Variants in AP3D1 observed in about 807,000 individuals in gnomAD.
AP3D1 encodes the protein AP-3 complex subunit delta-1.
Under a neutral mutation model 147.6 loss-of-function variants are expected in AP3D1, and 51 were observed. The observed-to-expected ratio is 0.35, with a 90% confidence interval of 0.28 to 0.44. The LOEUF (loss-of-function observed/expected upper bound fraction) is 0.44, where lower values mean the gene tolerates loss of function less well. Ranked by LOEUF, AP3D1 falls within the 20% of genes least tolerant of loss-of-function variation. The pLI is 1.00. For missense variants in AP3D1, 1,421 were observed against 1,624.2 expected, an observed-to-expected ratio of 0.87 and a Z score of 2.15; for synonymous variants, 760 against 663.0, an observed-to-expected ratio of 1.15 and a Z score of -2.25.
Position 2,118,791 on chromosome 19 carries a change from C to T in AP3D1, c.1523G>A (p.Arg508Gln), listed in dbSNP as rs768071199. ...EPHHTLEAML[R>Q]PRVTTLPGHI... Reference sequence around the variant, plus strand: ...GCCTGGCAGCGTGGTGACTCTGGGCCGCAGCATGGCCTCCAAAGTGTGGTG... The same window carrying T: ...GCCTGGCAGCGTGGTGACTCTGGGCTGCAGCATGGCCTCCAAAGTGTGGTG... Residue 508 changes from arginine to glutamine, a missense_variant, in exon 15 of 32, where the codon CGG becomes CAG. Arg to Gln is a conservative substitution (Grantham distance 43, BLOSUM62 1). This residue lies in a region of AP3D1 where 310 missense variants were observed against 388.1 expected (regional missense o/e 0.80). Transcript: ENST00000643116. 23 of 1,613,704 alleles carry T rather than the reference C, an allele frequency of 1.4e-5. No homozygotes were observed. In the Middle Eastern group the frequency reaches 6.6e-4, roughly 46 times the overall value.
At chr19:2,148,593 T>G (rs1198011412) in intron 1 of AP3D1, among the ~76,000 whole-genome samples, 1 of 152,172 alleles carries the variant, frequency 6.6e-6, no homozygotes, top group Non-Finnish European at 1.5e-5. Context: ...GAAAACCGCG[T>G]GTCACTGCAG....
chr19:2,142,978 G>T (rs2019261209), intron 1 of AP3D1, among the ~76,000 whole-genome samples: 2 of 151,840 alleles, frequency 1.3e-5, no homozygotes, highest in African/African-American at 4.8e-5. Flanking sequence ...TGGCCAGGCT[G>T]ATCTCGAACT....
intron 10 of AP3D1, 35 bp from the exon 11 acceptor site, chr19:2,123,441 C>A (rs1349819917): frequency 1.9e-6 from 3 of 1,611,032 alleles, no homozygotes; most frequent in Non-Finnish European, 2.5e-6. Flanking sequence ...TGGTTACATC[C>A]TCTAAACCAA....
chr19:2,127,575 A>G (rs2018792859), intron 8 of AP3D1, among the ~76,000 whole-genome samples: 1 of 152,134 alleles, frequency 6.6e-6, no homozygotes, highest in African/African-American at 2.4e-5. Context: ...CCCAGGCCGG[A>G]GTGCAATGGC....
rs534192952 is a variant in AP3D1 at position 2,159,782 on chromosome 19, G to A, written c.-103+4574C>T. Among the ~76,000 whole-genome samples the A allele has an allele frequency of 3.1e-3, 466 of 151,594 alleles. 4 individuals carry two copies. The highest frequency in any genetic ancestry group is 0.011 in the African/African-American group (440 of 41,312). On this transcript the variant is annotated intron_variant, in intron 1 of 14. Coordinates refer to the AP3D1 transcript ENST00000643010. The stretch of plus-strand genomic sequence containing the variant: ...GTGGCGCTATCTTGGTTCACTGCAA[G>A]CTCCACCTCCCAGGTTCATGCCATT...
At chr19:2,156,422 T>C (rs1416682130), upstream of AP3D1, among the ~76,000 whole-genome samples, 1 of 151,744 alleles carries the variant, frequency 6.6e-6, no homozygotes, top group Non-Finnish European at 1.5e-5. Context: ...AATCCACTCA[T>C]GCATCCATTC....
chr19:2,124,991 G>C (rs2018712911), intron 9 of AP3D1, among the ~76,000 whole-genome samples: 1 of 152,142 alleles, frequency 6.6e-6, no homozygotes, highest in Non-Finnish European at 1.5e-5. Flanking sequence ...GGGACTTGTG[G>C]GAGGTGGGGG....
chr19:2,109,710 G>T, intron 29 of AP3D1, 163 bp downstream of exon 29: 1 of 670,958 alleles, frequency 1.5e-6, no homozygotes, highest in Non-Finnish European at 2.6e-6. Context: ...CCCGGCTGGC[G>T]CAGACACCAG....
intron 31 of AP3D1, among the ~76,000 whole-genome samples, chr19:2,104,681 T>G (rs867524650): frequency 1.3e-5 from 2 of 149,374 alleles, no homozygotes; most frequent in Non-Finnish European, 3.0e-5. Context: ...TTTTTTTTTT[T>G]TTTTTTTTGG....
At position 2,110,990 on chromosome 19, in the gene AP3D1, G is replaced by A. The variant is rs115359236; in HGVS notation, c.2986-94C>T. On this transcript the variant is annotated intron_variant, in intron 26 of 31. Coordinates refer to ENST00000643116, the MANE Select transcript of AP3D1 (RefSeq NM_001261826.3). Reference sequence around the variant, plus strand: ...TCTTAATGACCACAGAGGCAGCAGGGGTCCCACAGGCACAGGAAGGCACGG... The same window carrying A: ...TCTTAATGACCACAGAGGCAGCAGGAGTCCCACAGGCACAGGAAGGCACGG... 5.1e-3 allele frequency: 7,042 copies of A among 1,376,086 alleles called. 32 individuals carry two copies. The highest frequency in any genetic ancestry group is 0.024 in the Middle Eastern group (92 of 3,874). 85.2% of individuals were successfully genotyped at this position (1,376,086 alleles called of 1,614,324 possible).
Position 2,111,834 on chromosome 19 carries a change from G to A in AP3D1, c.2788-6C>T, listed in dbSNP as rs551488706. 3 of 1,613,602 alleles carry A rather than the reference G, an allele frequency of 1.9e-6. No individual in the cohort carries two copies. In the South Asian group the frequency reaches 3.3e-5, roughly 18 times the overall value. On this transcript the variant is annotated splice_region_variant and splice_polypyrimidine_tract_variant and intron_variant, in intron 24 of 31. Coordinates refer to ENST00000643116, the MANE Select transcript of AP3D1 (RefSeq NM_001261826.3). ...TTCTTAGGCTTGGGAGATTTCTGGA[G>A]CAAGAGGAGGGTCGGGTTCAGTGCC...
intron 1 of AP3D1, among the ~76,000 whole-genome samples, chr19:2,149,144 A>C (rs1188435336): frequency 6.6e-6 from 1 of 152,188 alleles, no homozygotes; most frequent in East Asian, 1.9e-4. Context: ...TCCAGTGAGA[A>C]AGCCAGGGTC....
Position 2,108,743 on chromosome 19 carries a change from C to T in AP3D1, c.3496G>A (p.Ala1166Thr), listed in dbSNP as rs750654170. 14 of 1,578,636 alleles carry T rather than the reference C, an allele frequency of 8.9e-6. No individual in the cohort carries two copies. Among genetic ancestry groups the T allele is most frequent in the South Asian group, 4.7e-5 (4 of 85,954 alleles). The change falls in exon 31 of 32, where the codon GCC becomes ACC. Residue 1166 changes from alanine (A) to threonine (T), a missense_variant. This residue lies in a region of AP3D1 where 791 missense variants were observed against 761.4 expected (regional missense o/e 1.04). Transcript: ENST00000643116. ...TGGATGGAGCGGCTGTACATGGAGG[C>T]GCAGGAGTCCACTCGCTCCACAACT... ...FSVVERVDSC[A>T]SMYSRSIQGH...
Position 2,122,508 on chromosome 19 carries a change from C to A in AP3D1, c.956-629G>T, listed in dbSNP as rs2018639018. Among the ~76,000 whole-genome samples, 3 of 152,226 alleles carry A rather than the reference C, an allele frequency of 2.0e-5. No homozygotes were observed. In the South Asian group the frequency reaches 6.2e-4, roughly 31 times the overall value. ...CTACCCGTGGGGGATGGGCCCATGA[C>A]CCCAGTGGAAGGCTGACACGGCGGG... On this transcript the variant is annotated intron_variant, in intron 11 of 31. Transcript: ENST00000643116.
rs734727 is a variant in AP3D1, at chr19:2,116,467, G to C, written c.2001+138C>G. On this transcript the variant is annotated intron_variant, in intron 17 of 31. Coordinates refer to ENST00000643116, the MANE Select transcript of AP3D1 (RefSeq NM_001261826.3). Reference sequence around the variant, plus strand: ...TATTGGGGGAAAAGGAATCGCTAACGCTCTGGGAGGCAGGGACGCCCATGC... The same window carrying C: ...TATTGGGGGAAAAGGAATCGCTAACCCTCTGGGAGGCAGGGACGCCCATGC... 320,244 of 1,278,628 alleles carry C rather than the reference G, an allele frequency of 0.25. 43,438 individuals are homozygous for C. The highest frequency in any genetic ancestry group is 0.47 in the African/African-American group (31,693 of 66,788). The allele number at this position is 1,278,628 out of a possible 1,614,324, so 79.2% of individuals were successfully genotyped here.
At chr19:2,111,186 C>A in intron 26 of AP3D1, 99 bp downstream of exon 26, 1 of 1,467,256 alleles carries the variant, frequency 6.8e-7, no homozygotes, top group Admixed American at 1.8e-5. Context: ...CTGGGTATAC[C>A]AACATCCGGG....
In AP3D1 at chr19:2,109,066, C is replaced by T. The variant is rs1247072119; in HGVS notation, c.3472+20G>A. The T allele has an allele frequency of 1.2e-6, 2 of 1,606,570 alleles. No homozygotes were observed. Among genetic ancestry groups the T allele is most frequent in the Admixed American group, 1.7e-5 (1 of 57,266 alleles). ...TGCGTGAAAGCCCCGTGCAATCCAT[C>T]AGCCCCTCACTCTCCTTACCGGAAA... On this transcript the variant is annotated intron_variant, in intron 30 of 31. Coordinates refer to ENST00000643116, the MANE Select transcript of AP3D1 (RefSeq NM_001261826.3).
At chr19:2,151,995 T>A (rs905780680), upstream of AP3D1, among the ~76,000 whole-genome samples, 1 of 152,046 alleles carries the variant, frequency 6.6e-6, no homozygotes, top group East Asian at 1.9e-4. Context: ...AACTCCTGGG[T>A]GGGTGGGGGA....
intron 24 of AP3D1, 67 bp downstream of exon 24, chr19:2,112,793 C>G: frequency 1.5e-6 from 2 of 1,326,856 alleles, no homozygotes; most frequent in Non-Finnish European, 2.1e-6. Context: ...AAGCTGTGTC[C>G]GGCCCCACGT....
Sources: gnomAD v4.1 joint callset for allele counts (sites outside exome capture counted in the v4.1 genomes callset) on GRCh38, gnomAD v4.1.1 for gene constraint, gnomAD v4.1.1 regional missense constraint, MANE v1.5 for transcripts, NCBI Gene and HGNC (gene_info 2026-07-23, HGNC 2026-07-21) for gene names.